The following FOLR2 variants were observed in gnomAD, a reference collection of about 807,000 sequenced individuals.
FOLR2 encodes the protein folate receptor 2 (fetal).
FOLR2 carries 14 observed loss-of-function variants against 20.4 expected under a neutral mutation model. That is an observed-to-expected ratio of 0.68 (90% confidence interval 0.45 to 1.07). The LOEUF (loss-of-function observed/expected upper bound fraction) is 1.07. Among genes scored for constraint, FOLR2 ranks in the 50% least tolerant of loss-of-function variants. FOLR2 has a pLI of 0.00. For missense variants in FOLR2, 269 were observed against 322.6 expected, an observed-to-expected ratio of 0.83 and a Z score of 1.27; for synonymous variants, 114 against 114.3, an observed-to-expected ratio of 1.00 and a Z score of 0.02.
chr11:72,219,104 A>G (rs761510667), intron 2 of FOLR2, among the ~76,000 whole-genome samples: 1 of 152,214 alleles, frequency 6.6e-6, no homozygotes, highest in African/African-American at 2.4e-5. Flanking sequence ...GGAGCTGGAC[A>G]TGAATGGCCC....
At chr11:72,217,102 G>A (rs1948402566) in intron 1 of FOLR2, among the ~76,000 whole-genome samples, 177 bp downstream of exon 1, 1 of 152,292 alleles carries the variant, frequency 6.6e-6, no homozygotes, top group Admixed American at 6.5e-5. Flanking sequence ...TTGGCTCACT[G>A]CAACCTCTGC....
intron 1 of FOLR2, among the ~76,000 whole-genome samples, chr11:72,218,355 T>G (rs780669798): frequency 5.3e-5 from 8 of 152,158 alleles, no homozygotes; most frequent in Non-Finnish European, 7.4e-5. Flanking sequence ...TAACGCCAGT[T>G]CTCCTGAGCC....
chr11:72,221,354 T>C (rs1327902873), intron 4 of FOLR2, 43 bp downstream of exon 4: 2 of 1,602,746 alleles, frequency 1.2e-6, no homozygotes, highest in Non-Finnish European at 8.5e-7. Context: ...GAGATTGAGG[T>C]AGGGTTTGGA....
intron 2 of FOLR2, among the ~76,000 whole-genome samples, chr11:72,219,092 C>A (rs1948441453): frequency 6.6e-6 from 1 of 152,208 alleles, no homozygotes; most frequent in South Asian, 2.1e-4. Context: ...TGGGCCCACA[C>A]AGGAGCTGGA....
At chr11:72,218,391 C>T in intron 1 of FOLR2, 170 bp from the exon 2 acceptor site, 1 of 605,826 alleles carries the variant, frequency 1.7e-6, no homozygotes, top group Non-Finnish European at 2.9e-6. Flanking sequence ...TGAGGGAGCC[C>T]TCCTGGTCAA....
At chr11:72,219,844 G>C (rs1948453905) in intron 2 of FOLR2, among the ~76,000 whole-genome samples, 1 of 150,660 alleles carries the variant, frequency 6.6e-6, no homozygotes, top group Non-Finnish European at 1.5e-5. Context: ...TAGGGCTTTT[G>C]CTTACTTTTT....
In FOLR2 at chr11:72,221,908, C is replaced by A. The variant is rs1948503605; in HGVS notation, c.*146C>A. 4 of 695,866 alleles carry A rather than the reference C, an allele frequency of 5.7e-6. No homozygotes were observed. Among genetic ancestry groups the A allele is most frequent in the South Asian group, 1.9e-5 (1 of 52,416 alleles). 43.1% of individuals were successfully genotyped at this position (695,866 alleles called of 1,614,324 possible). On this transcript the variant is annotated 3_prime_UTR_variant, in exon 5 of 5. Transcript: ENST00000298223. ...GTCTGTTGCTGCTCCATGGTGGGGC[C>A]AAGAGTCACTTCTAATAAACAGACT... is the stretch of plus-strand genomic sequence containing the variant.
chr11:72,221,200 C>T lies in FOLR2; in HGVS notation c.364C>T (p.Arg122Cys), dbSNP rs373645194. 110 of 1,612,950 alleles carry T rather than the reference C, an allele frequency of 6.8e-5. No homozygotes were observed. The highest frequency in any genetic ancestry group is 8.8e-5 in the Non-Finnish European group (104 of 1,179,616). ...GGTGAATCAGAGCTGGCGCAAAGAA[C>T]GCTTCCTGGATGTGCCCTTATGCAA... is the stretch of plus-strand genomic sequence containing the variant. ...QQVNQSWRKERFLDVPLCKED... is the reference protein window; with the variant it reads ...QQVNQSWRKECFLDVPLCKED... Residue 122 changes from arginine (R) to cysteine (C), a missense_variant, in exon 4 of 5, where the codon CGC (arginine) becomes TGC (cysteine). Physicochemically the swap from Arg to Cys is radical, Grantham distance 180. Coordinates refer to ENST00000298223, the MANE Select transcript of FOLR2 (RefSeq NM_000803.5).
chr11:72,217,303 G>C (rs777755454), intron 1 of FOLR2: 1 of 1,164,916 alleles, frequency 8.6e-7, no homozygotes, highest in Non-Finnish European at 1.1e-6. Flanking sequence ...GATTACAGGC[G>C]TGAGCCACTG....
At chr11:72,218,804 G>A in intron 2 of FOLR2, 70 bp downstream of exon 2, 1 of 1,382,388 alleles carries the variant, frequency 7.2e-7, no homozygotes, top group East Asian at 2.5e-5. Context: ...CAGGATGGTG[G>A]GAGAGGGATT....
At chr11:72,217,032 T>TC in intron 1 of FOLR2, 107 bp downstream of exon 1, 2 of 1,269,828 alleles carry the variant, frequency 1.6e-6, no homozygotes, top group Admixed American at 1.9e-5. Flanking sequence ...TTGTATTGTA[T>TC]TGTATTTTTT....
Position 72,221,778 on chromosome 11 carries a change from A to G in FOLR2, c.*16A>G. The G allele has an allele frequency of 6.2e-7, 1 of 1,608,222 alleles. No homozygotes were observed. Among genetic ancestry groups the G allele is most frequent in the Non-Finnish European group, 8.5e-7 (1 of 1,175,842 alleles). On this transcript the variant is annotated 3_prime_UTR_variant, in exon 5 of 5. Coordinates refer to ENST00000298223, the MANE Select transcript of FOLR2 (RefSeq NM_000803.5). ...CCTTGGCTGAGTTCAGTCCTCCCAG[A>G]CTACCTGCCCTCAGCTTGGATAACC...
intron 2 of FOLR2, among the ~76,000 whole-genome samples, chr11:72,219,918 GC>G (rs1948455532): frequency 6.6e-6 from 1 of 150,884 alleles, no homozygotes; most frequent in South Asian, 2.1e-4. Flanking sequence ...TGTGATCTCA[GC>G]TCACGGCAAC....
In FOLR2 at chr11:72,221,463, C is replaced by T. The variant is rs777695204; in HGVS notation, c.476-7C>T. Reference sequence around the variant, plus strand: ...AAAGTCTGTGTCCACCATGCCTCTCCCTGCAGGAGTTAACAAGTGCCCAGC... The same window carrying T: ...AAAGTCTGTGTCCACCATGCCTCTCTCTGCAGGAGTTAACAAGTGCCCAGC... On this transcript the variant is annotated splice_region_variant and splice_polypyrimidine_tract_variant and intron_variant, in intron 4 of 4. Transcript: ENST00000298223. 6.2e-7 allele frequency: 1 copy of T among 1,612,396 alleles called. No individual in the cohort carries two copies. Among genetic ancestry groups the T allele is most frequent in the African/African-American group, 1.3e-5 (1 of 74,858 alleles).
intron 2 of FOLR2, 32 bp from the exon 3 acceptor site, chr11:72,220,838 G>T (rs1227166811): frequency 6.2e-7 from 1 of 1,613,106 alleles, no homozygotes; most frequent in East Asian, 2.2e-5. Context: ...AGGGTATGGG[G>T]AGGCACTTAG....
At chr11:72,219,210 T>A (rs182347974) in intron 2 of FOLR2, among the ~76,000 whole-genome samples, 1 of 152,066 alleles carries the variant, frequency 6.6e-6, no homozygotes, top group Non-Finnish European at 1.5e-5. Context: ...CTAAGTGCCA[T>A]TTCCATGGAG....
chr11:72,220,864 A>C lies in FOLR2; in HGVS notation c.151-6A>C. 1 of 1,613,834 alleles carries C rather than the reference A, an allele frequency of 6.2e-7. No individual in the cohort carries two copies. The highest frequency in any genetic ancestry group is 1.1e-5 in the South Asian group (1 of 91,076). On this transcript the variant is annotated splice_polypyrimidine_tract_variant and splice_region_variant and intron_variant, in intron 2 of 4. Coordinates refer to ENST00000298223, the MANE Select transcript of FOLR2 (RefSeq NM_000803.5). ...AGGCACTTAGTCCTGTGTCTTCCCC[A>C]CCCAGTGCAGTCCCTGGAAGAAGAA...
chr11:72,217,245 G>C, intron 1 of FOLR2: 1 of 611,574 alleles, frequency 1.6e-6, no homozygotes, highest in Non-Finnish European at 2.7e-6. Flanking sequence ...GGCTGGTCTC[G>C]AACTCTTGAC....
rs745696525 is a variant in FOLR2 at position 72,221,587 on chromosome 11, G to A, written c.593G>A (p.Arg198Gln). The part of the protein sequence containing the change: ...SHSYKVSNYS[R>Q]GSGRCIQMWF... ...TCATACAAGGTCAGCAACTACAGCC[G>A]AGGGAGCGGCCGCTGCATCCAGATG... is the stretch of plus-strand genomic sequence containing the variant. Residue 198 changes from arginine to glutamine, a missense_variant, in exon 5 of 5, where the codon CGA becomes CAA. Physicochemically the swap from Arg to Gln is conservative, Grantham distance 43 (BLOSUM62 1). Coordinates refer to ENST00000298223, the MANE Select transcript of FOLR2 (RefSeq NM_000803.5). 8 of 1,614,162 alleles carry A rather than the reference G, an allele frequency of 5.0e-6. No individual in the cohort carries two copies. The Middle Eastern group carries it at 5.0e-4, about 100-fold the overall frequency.
Sources: allele counts gnomAD v4.1 joint callset (sites outside exome capture counted in the v4.1 genomes callset), GRCh38; gene constraint gnomAD v4.1.1; transcripts MANE v1.5; gene names NCBI Gene and HGNC (gene_info 2026-07-23, HGNC 2026-07-21).